OBSL1: variants seen among roughly 807,000 people sequenced by gnomAD.
OBSL1 encodes obscurin-like protein 1.
OBSL1 carries 160 observed loss-of-function variants against 172.0 expected under a neutral mutation model. The observed-to-expected ratio is 0.93, with a 90% CI of 0.82 to 1.06. OBSL1 has a LOEUF of 1.06. Ranked by LOEUF, OBSL1 falls within the 50% of genes least tolerant of loss-of-function variation. OBSL1 has a pLI of 0.00. For synonymous variants in OBSL1, 1,200 were observed against 1,196.3 expected (o/e 1.00, Z -0.06); for missense variants, 2,681 against 2,715.4 (o/e 0.99, Z 0.28).
chr2:219,562,630 C>G lies in OBSL1; in HGVS notation c.2725G>C (p.Ala909Pro). The change falls in exon 8 of 21, where the codon GCA (alanine) becomes CCA (proline). Residue 909 changes from alanine to proline, a missense_variant. Ala to Pro is a conservative substitution (Grantham distance 27, BLOSUM62 -1). This residue lies in a region of OBSL1 where 1,765 missense variants were observed against 1,748.3 expected (regional missense o/e 1.01). Coordinates refer to ENST00000404537, the MANE Select transcript of OBSL1 (RefSeq NM_015311.3). Reference protein sequence around the residue: ...IVYPSGKVYVAAVRLERVVLT... With the variant: ...IVYPSGKVYVPAVRLERVVLT... ...ACCACACGCTCCAGGCGCACGGCTGCCACATACACCTTGCCGCTGGGATAC... is the reference window on the plus strand; with the variant it reads ...ACCACACGCTCCAGGCGCACGGCTGGCACATACACCTTGCCGCTGGGATAC... 1.3e-6 allele frequency: 2 copies of G among 1,583,006 alleles called. No homozygotes were observed. The highest frequency in any genetic ancestry group is 1.7e-6 in the Non-Finnish European group (2 of 1,165,120).
At chr2:219,549,171 C>G, downstream of OBSL1, 1 of 1,613,950 alleles carries the variant, frequency 6.2e-7, no homozygotes, top group Non-Finnish European at 8.5e-7. Context: ...GCCGGCAGCG[C>G]CGACGCGTGC....
intron 17 of OBSL1, 33 bp downstream of exon 17, chr2:219,552,835 C>T: frequency 6.5e-7 from 1 of 1,540,740 alleles, no homozygotes; most frequent in East Asian, 2.5e-5. Flanking sequence ...GCGCCCAAAG[C>T]AGTGCCCAGC....
Position 219,554,706 on chromosome 2 carries a change from G to T in OBSL1, c.4644C>A (p.Asp1548Glu). 6.4e-7 allele frequency: 1 copy of T among 1,573,350 alleles called. No individual in the cohort carries two copies. The highest frequency in any genetic ancestry group is 8.6e-7 in the Non-Finnish European group (1 of 1,159,040). The change falls in exon 15 of 21, where the codon GAC (aspartate) becomes GAA (glutamate). Residue 1548 changes from aspartate to glutamate, a missense_variant. Asp to Glu is a conservative substitution (Grantham distance 45). Coordinates refer to ENST00000404537, the MANE Select transcript of OBSL1 (RefSeq NM_015311.3). ...RQLRVLRPLE[D>E]VTISEGGSAT... The stretch of plus-strand genomic sequence containing the variant: ...CACTGCCCCCCTCACTGATGGTCAC[G>T]TCCTCCAGAGGCCGCAGCACCCTCA...
At chr2:219,570,112 C>A (rs1697225072) in intron 1 of OBSL1, 109 bp downstream of exon 1, 3 of 989,292 alleles carry the variant, frequency 3.0e-6, no homozygotes, top group South Asian at 2.3e-5. Flanking sequence ...TCCCGCGGAC[C>A]ACCTCTCCTC....
In OBSL1 at chr2:219,554,731, A is replaced by G; in HGVS notation, c.4619T>C (p.Leu1540Pro). ...GTCCTCCAGAGGCCGCAGCACCCTC[A>G]GCTGCCTCGCTGGCCGGGGGAGATG... ...LARLSVRPRQLRVLRPLEDVT... is the reference protein window; with the variant it reads ...LARLSVRPRQPRVLRPLEDVT... Residue 1540 changes from leucine (L) to proline (P), a missense_variant, in exon 15 of 21, where the codon CTG (leucine) becomes CCG (proline). By Grantham distance (98) the Leu-to-Pro change is moderately conservative. This residue lies in a region of OBSL1 where 1,765 missense variants were observed against 1,748.3 expected (regional missense o/e 1.01). Coordinates refer to ENST00000404537, the MANE Select transcript of OBSL1 (RefSeq NM_015311.3). 1 of 1,552,376 alleles carries G rather than the reference A, an allele frequency of 6.4e-7. No individual in the cohort carries two copies. Among genetic ancestry groups the G allele is most frequent in the South Asian group, 1.2e-5 (1 of 84,714 alleles).
At chr2:219,552,435 GC>G (rs1553529345) in intron 18 of OBSL1, 100 bp downstream of exon 18, 2 of 1,248,644 alleles carry the variant, frequency 1.6e-6, no homozygotes, top group Non-Finnish European at 1.1e-6. Context: ...GTGGGGCGGG[GC>G]CCGTCGGAGC....
At chr2:219,550,511 A>G (rs2106000988), downstream of OBSL1, 1 of 383,494 alleles carries the variant, frequency 2.6e-6, no homozygotes, top group South Asian at 3.6e-5. Flanking sequence ...ATGCCAACCT[A>G]GACACCTCAT....
At position 219,567,822 on chromosome 2, in the gene OBSL1, C is replaced by A. The variant is rs768203705; in HGVS notation, c.1430G>T (p.Gly477Val). ...ELPVICQSSS[G>V]HMHALVLPGV... ...TGGAAGGACCAGGGCATGCATGTGG[C>A]CTGAGCTGCTCTGGCAGATGACCGG... is the stretch of plus-strand genomic sequence containing the variant. Residue 477 changes from glycine (G) to valine (V), a missense_variant, in exon 3 of 21, where the codon GGC becomes GTC. Physicochemically the swap from Gly to Val is moderately radical, Grantham distance 109. Around this residue, in one of 5 missense-constraint regions of OBSL1, gnomAD observed 706 missense variants for 695.8 expected, o/e 1.01. Coordinates refer to ENST00000404537, the MANE Select transcript of OBSL1 (RefSeq NM_015311.3). The A allele has an allele frequency of 7.4e-6, 12 of 1,613,968 alleles. No individual in the cohort carries two copies. The highest frequency in any genetic ancestry group is 9.3e-6 in the Non-Finnish European group (11 of 1,179,896).
downstream of OBSL1, chr2:219,549,867 G>C (rs779034709): frequency 6.2e-7 from 1 of 1,607,544 alleles, no homozygotes; most frequent in South Asian, 1.1e-5. Flanking sequence ...ATATCTGTCT[G>C]TCTAGACTCT....
chr2:219,562,375 C>T (rs758711961), intron 8 of OBSL1, 27 bp downstream of exon 8: 2 of 1,606,362 alleles, frequency 1.2e-6, no homozygotes, highest in South Asian at 2.2e-5. Context: ...GTCTCTGTGA[C>T]CCCGGGGAGC....
At position 219,559,360 on chromosome 2, in the gene OBSL1, C is replaced by G. The variant is rs1212687482; in HGVS notation, c.3091G>C (p.Glu1031Gln). 1 of 1,613,988 alleles carries G rather than the reference C, an allele frequency of 6.2e-7. No homozygotes were observed. The highest frequency in any genetic ancestry group is 1.1e-5 in the South Asian group (1 of 91,084). ...CTCTCCAGCACCAGGGCCTCGCTCT[C>G]CTCCACTTCCAGCCCATCCTTGTAC... ...RWYKDGLEVE[E>Q]SEALVLERDG... is the part of the protein sequence containing the mutation. Residue 1031 changes from glutamate to glutamine, a missense_variant, in exon 9 of 21, where the codon GAG (glutamate) becomes CAG (glutamine). Transcript: ENST00000404537.
chr2:219,551,513 A>G lies in OBSL1; in HGVS notation c.5683+16T>C. 6.4e-7 allele frequency: 1 copy of G among 1,566,286 alleles called. No homozygotes were observed. Among genetic ancestry groups the G allele is most frequent in the Non-Finnish European group, 8.7e-7 (1 of 1,153,392 alleles). On this transcript the variant is annotated intron_variant, in intron 20 of 20. Coordinates refer to ENST00000404537, the MANE Select transcript of OBSL1 (RefSeq NM_015311.3). ...CGCCCTCACCCTCCTGCCGCTGCCC[A>G]GTTGGCTTTACTCACCCTCTACCAG... is the stretch of plus-strand genomic sequence containing the variant.
chr2:219,554,442 C>G (rs1695851834), intron 15 of OBSL1, 32 bp downstream of exon 15: 1 of 1,608,390 alleles, frequency 6.2e-7, no homozygotes, highest in Non-Finnish European at 8.5e-7. Context: ...CCACACAGGT[C>G]AGCAGGCAGG....
At chr2:219,556,980 T>G in intron 12 of OBSL1, 1 of 515,078 alleles carries the variant, frequency 1.9e-6, no homozygotes, top group Non-Finnish European at 3.4e-6. Flanking sequence ...AGGGACCCTA[T>G]TTACAGCATT....
intron 18 of OBSL1, 89 bp downstream of exon 18, chr2:219,552,447 C>A (rs1265957994): frequency 1.5e-6 from 2 of 1,365,256 alleles, no homozygotes; most frequent in African/African-American, 3.0e-5. Context: ...CCGTCGGAGC[C>A]AGGGGCGGGG....
At chr2:219,567,621 C>T (rs1476443644) in intron 3 of OBSL1, 46 bp from the exon 4 acceptor site, 1 of 1,592,634 alleles carries the variant, frequency 6.3e-7, no homozygotes, top group Admixed American at 1.7e-5. Flanking sequence ...TGGGCCTCCA[C>T]AGCCCTTCCA....
rs1032535458 is a variant in OBSL1, at chr2:219,559,165, G to T, written c.3226+60C>A. ...GGGTGGGGGAGGTGGGGCTAGGTGG[G>T]TGTCTGTCCCTTAGCCCCCTACCTC... On this transcript the variant is annotated intron_variant, in intron 9 of 20. Coordinates refer to ENST00000404537, the MANE Select transcript of OBSL1 (RefSeq NM_015311.3). 8.0e-6 allele frequency: 12 copies of T among 1,493,056 alleles called. No homozygotes were observed. The Admixed American group carries it at 9.4e-5, about 12-fold the overall frequency. 92.5% of individuals were successfully genotyped at this position (1,493,056 alleles called of 1,614,324 possible).
rs753490289 is a variant in OBSL1 at position 219,557,933 on chromosome 2, C to T, written c.3680G>A (p.Arg1227His). 2.2e-5 allele frequency: 35 copies of T among 1,604,532 alleles called. No homozygotes were observed. The East Asian group carries it at 3.3e-4, about 15-fold the overall frequency. ...EGLELHAEGP[R>H]RVLCIQAAGP... ...TGCAGCCTGGATGCAGAGGACTCGG[C>T]GGGGGCCCTCGGCATGGAGCTCTAG... The change falls in exon 11 of 21, where the codon CGC becomes CAC. Residue 1227 changes from arginine to histidine, a missense_variant. Physicochemically the swap from Arg to His is conservative, Grantham distance 29. Coordinates refer to ENST00000404537, the MANE Select transcript of OBSL1 (RefSeq NM_015311.3).
intron 8 of OBSL1, among the ~76,000 whole-genome samples, chr2:219,559,851 A>C (rs139634905): frequency 1.6e-4 from 25 of 152,356 alleles, no homozygotes; most frequent in African/African-American, 4.6e-4. Context: ...TACAGATACA[A>C]GCATATATCT....
Sources: gnomAD v4.1 joint callset for allele counts (sites outside exome capture counted in the v4.1 genomes callset) on GRCh38, gnomAD v4.1.1 for gene constraint, gnomAD v4.1.1 regional missense constraint, MANE v1.5 for transcripts, NCBI Gene and HGNC (gene_info 2026-07-23, HGNC 2026-07-21) for gene names.